The following RICTOR variants were observed in gnomAD, a reference collection of about 807,000 sequenced individuals.
RICTOR encodes RPTOR independent companion of MTOR complex 2.
In RICTOR, 49 loss-of-function variants were observed where a neutral mutation model predicts 214.9. The ratio of observed to expected loss-of-function variants is 0.23; its 90% confidence interval spans 0.18 to 0.29. RICTOR has a LOEUF of 0.29. Ranked by LOEUF, RICTOR falls within the 10% of genes least tolerant of loss-of-function variation. RICTOR has a pLI of 1.00. For missense variants in RICTOR, 1,625 were observed against 2,047.0 expected (o/e 0.79, Z 3.98); for synonymous variants, 717 against 711.3 (o/e 1.01, Z -0.13).
In RICTOR at chr5:38,940,198, T is replaced by C; in HGVS notation, c.*2106A>G. On this transcript the variant is annotated 3_prime_UTR_variant, in exon 38 of 38. Transcript: ENST00000357387. ...ATACTAACTAAGCCTTATTTCAGGA[T>C]AGATGACCAAGGTGAGGGTACAGGG... The C allele has an allele frequency of 4.5e-6, 1 of 223,912 alleles. No individual in the cohort carries two copies. Among genetic ancestry groups the C allele is most frequent in the Non-Finnish European group, 8.7e-6 (1 of 115,304 alleles). 13.9% of individuals were successfully genotyped at this position (223,912 alleles called of 1,614,324 possible).
chr5:39,050,529 G>T (rs895917861), intron 2 of RICTOR, among the ~76,000 whole-genome samples: 1 of 151,902 alleles, frequency 6.6e-6, no homozygotes, highest in Admixed American at 6.6e-5. Flanking sequence ...TAGGGACAAG[G>T]TTTCACCACG....
At chr5:39,010,319 A>G (rs1754406899) in intron 3 of RICTOR, among the ~76,000 whole-genome samples, 1 of 152,236 alleles carries the variant, frequency 6.6e-6, no homozygotes, top group African/African-American at 2.4e-5. Context: ...CCAGCCATGC[A>G]GAACTGTAAG....
chr5:39,017,059 C>T (rs972963477), intron 3 of RICTOR, among the ~76,000 whole-genome samples: 4 of 152,034 alleles, frequency 2.6e-5, no homozygotes, highest in South Asian at 2.1e-4. Flanking sequence ...ATTTCTATTA[C>T]GCAACACTAT....
At chr5:39,070,187 C>T (rs1426533805) in intron 2 of RICTOR, among the ~76,000 whole-genome samples, 4 of 152,134 alleles carry the variant, frequency 2.6e-5, no homozygotes, top group Admixed American at 6.5e-5. Flanking sequence ...AGTTCAGGGC[C>T]GGGTGCGGTG....
chr5:38,986,913 TG>T (rs1752213399), intron 7 of RICTOR, among the ~76,000 whole-genome samples: 1 of 152,238 alleles, frequency 6.6e-6, no homozygotes, highest in Admixed American at 6.5e-5. Flanking sequence ...CATAGTTTAC[TG>T]AGAGTTTTTA....
At chr5:39,034,483 C>G (rs190490990) in intron 2 of RICTOR, among the ~76,000 whole-genome samples, 131 of 152,352 alleles carry the variant, frequency 8.6e-4, no homozygotes, top group African/African-American at 3.0e-3. Flanking sequence ...ACAGTGGGTG[C>G]AGCGCACCGT....
intron 34 of RICTOR, 137 bp from the exon 35 acceptor site, chr5:38,945,205 T>C: frequency 1.5e-6 from 1 of 683,470 alleles, no homozygotes. Context: ...TTCCAAAACT[T>C]TTTTCCTCAT....
chr5:38,973,924 C>T (rs541647422), intron 10 of RICTOR, among the ~76,000 whole-genome samples: 38 of 152,268 alleles, frequency 2.5e-4, no homozygotes, highest in Admixed American at 9.8e-4. Flanking sequence ...ATAAACAGTA[C>T]TACAGAATAT....
At chr5:38,986,487 AATG>A (rs1331323567) in intron 7 of RICTOR, among the ~76,000 whole-genome samples, 1 of 152,218 alleles carries the variant, frequency 6.6e-6, no homozygotes, top group Non-Finnish European at 1.5e-5. Flanking sequence ...TACTAAATTT[AATG>A]ATGAAGAAAA....
chr5:38,972,073 A>G, intron 10 of RICTOR, 114 bp from the exon 11 acceptor site: 1 of 573,068 alleles, frequency 1.7e-6, no homozygotes. Context: ...TATGATTATG[A>G]TACTATTTGG....
intron 2 of RICTOR, among the ~76,000 whole-genome samples, chr5:39,049,329 ATT>A (rs1757696214): frequency 6.6e-6 from 1 of 152,226 alleles, no homozygotes; most frequent in South Asian, 2.1e-4. Context: ...AATCAGAATT[ATT>A]CAATGAAATA....
chr5:39,073,740 C>T (rs1188320041), intron 2 of RICTOR, among the ~76,000 whole-genome samples: 4 of 152,164 alleles, frequency 2.6e-5, no homozygotes, highest in Non-Finnish European at 4.4e-5. Context: ...ACCTAAATAA[C>T]AGCCTCTACC....
chr5:38,954,827 G>C lies in RICTOR; in HGVS notation c.2644C>G (p.Leu882Val). ...TTATGGTGTACTAGTTGTCCATAAA[G>C]GTGTATAGGCAGGTAGACGTGAGGA... ...QRPHVYLPIH[L>V]YGQLVHHKTG... Residue 882 changes from leucine (L) to valine (V), a missense_variant, in exon 27 of 38, where the codon CTT becomes GTT. This residue lies in a region of RICTOR where 1,214 missense variants were observed against 1,470.5 expected (regional missense o/e 0.83). Coordinates refer to ENST00000357387, the MANE Select transcript of RICTOR (RefSeq NM_152756.5). The C allele has an allele frequency of 6.2e-7, 1 of 1,603,812 alleles. No homozygotes were observed. The highest frequency in any genetic ancestry group is 8.5e-7 in the Non-Finnish European group (1 of 1,171,658).
chr5:38,990,825 TGATATATGA>T (rs137933047), intron 7 of RICTOR, 115 bp downstream of exon 7: 8 of 163,888 alleles, frequency 4.9e-5, no homozygotes, highest in African/African-American at 2.7e-4. Context: ...ATGAGATATA[TGATATATGA>T]GATATATGAG....
chr5:39,052,248 C>G (rs1425598141), intron 2 of RICTOR, among the ~76,000 whole-genome samples: 2 of 152,054 alleles, frequency 1.3e-5, no homozygotes, highest in South Asian at 4.2e-4. Context: ...TGGTGGTATG[C>G]GTGTATAGTC....
In RICTOR at chr5:38,966,286, A is replaced by G. The variant is rs567437084; in HGVS notation, c.1299+355T>C. 3.9e-5 allele frequency among the ~76,000 whole-genome samples: 6 copies of G among 152,350 alleles called. No homozygotes were observed. In the South Asian group the frequency reaches 1.2e-3, roughly 32 times the overall value. ...TTCTTAGCAGACTGAAGTAGTATCC[A>G]TAGTTTTGCAATTTCTTGCTTCTTA... On this transcript the variant is annotated intron_variant, in intron 15 of 37. Transcript: ENST00000357387.
chr5:39,035,422 C>A (rs1756606430), intron 2 of RICTOR, among the ~76,000 whole-genome samples: 1 of 152,030 alleles, frequency 6.6e-6, no homozygotes, highest in Non-Finnish European at 1.5e-5. Flanking sequence ...CACCTCTCAC[C>A]CTCCAAAGTA....
At position 38,944,292 on chromosome 5, in the gene RICTOR, G is replaced by A. The variant is rs542447316; in HGVS notation, c.4913+154C>T. 60 of 752,608 alleles carry A rather than the reference G, an allele frequency of 8.0e-5. 1 individual carries two copies. The African/African-American group carries it at 8.7e-4, about 11-fold the overall frequency. 46.6% of individuals were successfully genotyped at this position (752,608 alleles called of 1,614,324 possible). A position where few individuals can be genotyped will look rare whatever the true frequency, so the allele number is the denominator to read the frequency against. On this transcript the variant is annotated intron_variant, in intron 36 of 37. Transcript: ENST00000357387. Reference sequence around the variant, plus strand: ...GTTGCCATATGTTGTTTTGGCTGAAGTATTAAAGAAAATCTAGCCTCACAC... The same window carrying A: ...GTTGCCATATGTTGTTTTGGCTGAAATATTAAAGAAAATCTAGCCTCACAC...
At chr5:39,002,029 TATAAGA>T (rs1216327181) in intron 5 of RICTOR, among the ~76,000 whole-genome samples, 1 of 152,062 alleles carries the variant, frequency 6.6e-6, no homozygotes, top group African/African-American at 2.4e-5. Flanking sequence ...TTTCCTCTTC[TATAAGA>T]ATATTCTTGC....
Sources: gnomAD v4.1 joint callset for allele counts (sites outside exome capture counted in the v4.1 genomes callset) on GRCh38, gnomAD v4.1.1 for gene constraint, gnomAD v4.1.1 regional missense constraint, MANE v1.5 for transcripts, NCBI Gene and HGNC (gene_info 2026-07-23, HGNC 2026-07-21) for gene names.